Variants in CHD4 observed in about 807,000 individuals in gnomAD.
CHD4 encodes the protein ATP-dependent chromatin remodeler CHD4.
In CHD4, 35 loss-of-function variants were observed where a neutral mutation model predicts 235.5. The observed-to-expected ratio is 0.15, with a 90% CI of 0.11 to 0.20. The LOEUF is 0.20. Among genes scored for constraint, CHD4 ranks in the 10% least tolerant of loss-of-function variants. The pLI, the probability that CHD4 is intolerant of heterozygous loss-of-function variation, is 1.00. For synonymous variants in CHD4, 900 were observed against 850.2 expected (o/e 1.06, Z -1.02); for missense variants, 1,329 against 2,432.3 (o/e 0.55, Z 9.54).
In CHD4 at chr12:6,576,467, ACCAGAACTGGCTAATTT is replaced by A. The variant is rs1226446381; in HGVS notation, c.5361+1301_5361+1317del. Among the ~76,000 whole-genome samples, 5 of 152,292 alleles carry A rather than the reference ACCAGAACTGGCTAATTT, an allele frequency of 3.3e-5. No individual in the cohort carries two copies. In the South Asian group the frequency reaches 1.0e-3, roughly 32 times the overall value. On this transcript the variant is annotated intron_variant, in intron 37 of 39. Coordinates refer to ENST00000544040, the MANE Select transcript of CHD4 (RefSeq NM_001273.5). ...GTAGCTGGAACTACAGGTGCACGCC[ACCAGAACTGGCTAATTT>A]TTGTATTTTTTGTAGACATGGGGTT...
At chr12:6,580,858 T>C (rs971737500) in intron 33 of CHD4, 186 bp downstream of exon 33, 12 of 630,436 alleles carry the variant, frequency 1.9e-5, no homozygotes, top group African/African-American at 3.7e-5. Context: ...AATACAAAAA[T>C]TAGCTGGGCA....
chr12:6,599,608 T>C (rs1565616672), intron 10 of CHD4, among the ~76,000 whole-genome samples, 165 bp downstream of exon 10: 1 of 152,200 alleles, frequency 6.6e-6, no homozygotes, highest in Non-Finnish European at 1.5e-5. Context: ...GTTAGTCCTA[T>C]ATTTTCCCAG....
At position 6,578,544 on chromosome 12, in the gene CHD4, C is replaced by T. The variant is rs1313730906; in HGVS notation, c.4984G>A (p.Glu1662Lys). ...LTPIVVEDKE[E>K]KKEEEEKKEV... ...TTTTTCTCTTCTTCTTCTTTCTTCT[C>T]TTCTACAGAATATGGGGAAGAAAAA... The change falls in exon 35 of 40, where the codon GAG (glutamate) becomes AAG (lysine). Residue 1662 changes from glutamate to lysine, a missense_variant and splice_region_variant. Glu to Lys is a moderately conservative substitution (Grantham distance 56). This residue lies in a region of CHD4 where 219 missense variants were observed against 219.3 expected (regional missense o/e 1.00). Transcript: ENST00000544040. 3 of 1,610,832 alleles carry T rather than the reference C, an allele frequency of 1.9e-6. No individual in the cohort carries two copies. The highest frequency in any genetic ancestry group is 1.7e-4 in the Middle Eastern group (1 of 6,054).
chr12:6,583,183 G>A lies in CHD4; in HGVS notation c.4060+15C>T, dbSNP rs1948225571. The A allele has an allele frequency of 1.2e-6, 1 of 836,232 alleles. No homozygotes were observed. Among genetic ancestry groups the A allele is most frequent in the Admixed American group, 2.0e-5 (1 of 50,952 alleles). The allele number at this position is 836,232 out of a possible 1,614,324, so 51.8% of individuals were successfully genotyped here. A position where few individuals can be genotyped will look rare whatever the true frequency, so the allele number is the denominator to read the frequency against. The stretch of plus-strand genomic sequence containing the variant: ...GAACGGCCCATGGGTGGGGGGCGGG[G>A]CCGGCCACACACACCTCGGTCCTCC... On this transcript the variant is annotated intron_variant, in intron 26 of 39. Transcript: ENST00000544040.
intron 1 of CHD4, 174 bp from the exon 2 acceptor site, chr12:6,606,625 C>T: frequency 2.6e-6 from 1 of 383,044 alleles, no homozygotes; most frequent in South Asian, 5.5e-5. Context: ...GCCGGCTCCC[C>T]GGCAGGCGCC....
At chr12:6,591,299 G>A (rs1948395766) in intron 22 of CHD4, 167 bp downstream of exon 22, 1 of 589,432 alleles carries the variant, frequency 1.7e-6, no homozygotes, top group Non-Finnish European at 3.0e-6. Context: ...AAATCTCCTA[G>A]GAATAGTCCA....
rs1356755849 is a variant in CHD4, at chr12:6,570,287, C to G, written c.*389G>C. 17 of 217,190 alleles carry G rather than the reference C, an allele frequency of 7.8e-5. No homozygotes were observed. The South Asian group carries it at 1.7e-3, about 22-fold the overall frequency. 13.5% of individuals were successfully genotyped at this position (217,190 alleles called of 1,614,324 possible). A position where few individuals can be genotyped will look rare whatever the true frequency, so the allele number is the denominator to read the frequency against. On this transcript the variant is annotated 3_prime_UTR_variant, in exon 40 of 40. Transcript: ENST00000544040. Reference sequence around the variant, plus strand: ...GGGCCCAGCCCACTCTGAATACCCCCCAAAAAGGAGAAAAGAAAACACAAA... The same window carrying G: ...GGGCCCAGCCCACTCTGAATACCCCGCAAAAAGGAGAAAAGAAAACACAAA...
At chr12:6,605,080 TA>T (rs1480459893) in intron 2 of CHD4, among the ~76,000 whole-genome samples, 2 of 152,150 alleles carry the variant, frequency 1.3e-5, no homozygotes, top group Non-Finnish European at 2.9e-5. Context: ...ACCCCTCTCC[TA>T]AATGGCCTCA....
intron 2 of CHD4, among the ~76,000 whole-genome samples, chr12:6,605,101 G>C (rs1411935757): frequency 3.3e-5 from 5 of 152,152 alleles, no homozygotes; most frequent in Admixed American, 2.6e-4. Flanking sequence ...AGGTTGAAGT[G>C]AAGAATTCCA....
intron 23 of CHD4, 134 bp downstream of exon 23, chr12:6,588,164 G>A: frequency 7.7e-7 from 1 of 1,297,440 alleles, no homozygotes; most frequent in Non-Finnish European, 1.1e-6. Flanking sequence ...CTTACAATAA[G>A]GTAAACAACA....
In CHD4 at chr12:6,577,831, C is replaced by A; in HGVS notation, c.5315G>T (p.Gly1772Val). ...NEPFKGEMNR[G>V]NFLEIKNKFL... ...TTTATTCTTGATCTCTAAGAAATTG[C>A]CACGGTTCATTTCACCCTTGAAAGG... is the stretch of plus-strand genomic sequence containing the variant. The change falls in exon 37 of 40, where the codon GGC becomes GTC. Residue 1772 changes from glycine to valine, a missense_variant. Around this residue, in one of 26 missense-constraint regions of CHD4, gnomAD observed 135 missense variants for 282.3 expected, o/e 0.48. Transcript: ENST00000544040. The A allele has an allele frequency of 6.2e-7, 1 of 1,614,212 alleles. No homozygotes were observed. Among genetic ancestry groups the A allele is most frequent in the Non-Finnish European group, 8.5e-7 (1 of 1,180,042 alleles).
intron 37 of CHD4, 102 bp downstream of exon 37, chr12:6,577,683 A>G (rs1160192517): frequency 2.0e-6 from 3 of 1,468,012 alleles, no homozygotes; most frequent in Non-Finnish European, 1.9e-6. Flanking sequence ...AGAATGAAGA[A>G]AGTGAGAACA....
At chr12:6,595,624 C>G (rs537560339) in intron 13 of CHD4, among the ~76,000 whole-genome samples, 194 bp from the exon 14 acceptor site, 1 of 151,888 alleles carries the variant, frequency 6.6e-6, no homozygotes, top group African/African-American at 2.4e-5. Flanking sequence ...CCCGTCTCTA[C>G]TAAAAATACA....
chr12:6,574,334 T>C (rs541008985), intron 37 of CHD4, among the ~76,000 whole-genome samples: 1 of 152,224 alleles, frequency 6.6e-6, no homozygotes, highest in African/African-American at 2.4e-5. Flanking sequence ...GTTTCACCTA[T>C]GCATTCTCCT....
Position 6,592,682 on chromosome 12 carries a change from A to G in CHD4, c.2774+14T>C. ...GCACAATTATGAGCCGATTACAGATAAACACATACTTACTGGAACCTCTCG... is the reference window on the plus strand; with the variant it reads ...GCACAATTATGAGCCGATTACAGATGAACACATACTTACTGGAACCTCTCG... On this transcript the variant is annotated intron_variant, in intron 18 of 39. Transcript: ENST00000544040. 1.2e-6 allele frequency: 2 copies of G among 1,612,128 alleles called. No homozygotes were observed. Among genetic ancestry groups the G allele is most frequent in the Non-Finnish European group, 8.5e-7 (1 of 1,178,962 alleles).
At chr12:6,587,252 G>A (rs898826789) in intron 25 of CHD4, 132 bp downstream of exon 25, 4 of 869,208 alleles carry the variant, frequency 4.6e-6, no homozygotes, top group Non-Finnish European at 7.1e-6. Flanking sequence ...TGTTTTCAAA[G>A]GAAGAGGATC....
At chr12:6,583,408 A>G (rs1304637035) in intron 25 of CHD4, 30 bp from the exon 26 acceptor site, 2 of 1,573,030 alleles carry the variant, frequency 1.3e-6, no homozygotes, top group Admixed American at 3.5e-5. Flanking sequence ...AGGACTCAGG[A>G]GTGCTGAAGT....
intron 33 of CHD4, chr12:6,580,706 A>AAAAAAAAAAAAC (rs1948166909): frequency 7.2e-6 from 1 of 139,432 alleles, no homozygotes; most frequent in Non-Finnish European, 1.4e-5. Flanking sequence ...ACTCCTTTGA[A>AAAAAAAAAAAAC]AAAAAAAAAA....
chr12:6,572,916 TCTAAGATA>T, intron 38 of CHD4, 150 bp downstream of exon 38: 1 of 668,142 alleles, frequency 1.5e-6, no homozygotes, highest in Non-Finnish European at 2.4e-6. Context: ...CTTGATTGCC[TCTAAGATA>T]CTAACCTCCC....
Sources: allele counts gnomAD v4.1 joint callset (sites outside exome capture counted in the v4.1 genomes callset), GRCh38; gene constraint gnomAD v4.1.1; regional missense constraint gnomAD v4.1.1; transcripts MANE v1.5; gene names NCBI Gene and HGNC (gene_info 2026-07-23, HGNC 2026-07-21).